Variants in TRAF3IP2 observed in about 807,000 individuals in gnomAD.
TRAF3IP2 encodes the protein E3 ubiquitin ligase TRAF3IP2.
TRAF3IP2 carries 35 observed loss-of-function variants against 57.9 expected under a neutral mutation model. The observed-to-expected ratio is 0.60, with a 90% CI of 0.46 to 0.80. The LOEUF (loss-of-function observed/expected upper bound fraction) is 0.80, where lower values mean the gene tolerates loss of function less well. TRAF3IP2 is among the 30% of genes least tolerant of loss of function. The pLI is 0.00. For missense variants in TRAF3IP2, 556 were observed against 706.4 expected (o/e 0.79, Z 2.41); for synonymous variants, 251 against 268.9 (o/e 0.93, Z 0.65).
intron 1 of TRAF3IP2, chr6:111,601,505 T>C (rs1796862816): frequency 3.2e-6 from 1 of 308,276 alleles, no homozygotes; most frequent in Admixed American, 4.6e-5. Flanking sequence ...AATGAAGGTG[T>C]TATGTCCCCA....
At chr6:111,576,319 T>G (rs1187699155) in intron 3 of TRAF3IP2, 2 of 153,120 alleles carry the variant, frequency 1.3e-5, no homozygotes, top group African/African-American at 2.4e-5. Context: ...TTTAAAGAAG[T>G]TGCTACCATA....
At chr6:111,566,698 A>C in intron 6 of TRAF3IP2, 138 bp from the exon 7 acceptor site, 4 of 794,680 alleles carry the variant, frequency 5.0e-6, no homozygotes, top group Non-Finnish European at 8.9e-6. Flanking sequence ...GCAGACTCTT[A>C]TCTCTGCTTC....
intron 3 of TRAF3IP2, among the ~76,000 whole-genome samples, chr6:111,577,706 T>A (rs1024907238): frequency 6.7e-6 from 1 of 150,282 alleles, no homozygotes; most frequent in Non-Finnish European, 1.5e-5. Flanking sequence ...TGTGTGTGTG[T>A]GTTTTGTTTG....
At chr6:111,595,776 C>T (rs554338997) in intron 1 of TRAF3IP2, among the ~76,000 whole-genome samples, 7 of 149,750 alleles carry the variant, frequency 4.7e-5, no homozygotes, top group Middle Eastern at 3.4e-3. Flanking sequence ...TGCGGTGAGC[C>T]GAGATCGTGC....
intron 2 of TRAF3IP2, among the ~76,000 whole-genome samples, chr6:111,585,348 T>A (rs971358829): frequency 3.8e-4 from 47 of 123,972 alleles, no homozygotes; most frequent in African/African-American, 1.2e-3. Flanking sequence ...AAAAAAAAAA[T>A]GGCTTTTCCA....
chr6:111,576,475 G>A (rs1004141685), intron 3 of TRAF3IP2: 1 of 152,358 alleles, frequency 6.6e-6, no homozygotes, highest in Non-Finnish European at 1.5e-5. Flanking sequence ...CTGTCGGTAA[G>A]CACAGTGATG....
intron 1 of TRAF3IP2, among the ~76,000 whole-genome samples, chr6:111,596,102 A>G (rs956464741): frequency 6.6e-6 from 1 of 151,284 alleles, no homozygotes; most frequent in African/African-American, 2.4e-5. Flanking sequence ...CCCTGGTCGC[A>G]CTCCCTAAAA....
At chr6:111,578,162 A>G (rs1796046796) in intron 3 of TRAF3IP2, among the ~76,000 whole-genome samples, 1 of 152,232 alleles carries the variant, frequency 6.6e-6, no homozygotes, top group African/African-American at 2.4e-5. Flanking sequence ...TTGAAAATAA[A>G]AGTTTATTTT....
Position 111,559,471 on chromosome 6 carries a change from C to T in TRAF3IP2, c.1632G>A (p.Leu544=), listed in dbSNP as rs879018565. The T allele has an allele frequency of 5.0e-6, 8 of 1,614,210 alleles. No individual in the cohort carries two copies. Among genetic ancestry groups the T allele is most frequent in the Non-Finnish European group, 5.9e-6 (7 of 1,180,036 alleles). The change falls in exon 9 of 9, where the codon CTG becomes CTA. Residue 544 remains leucine (L), a synonymous_variant. Transcript: ENST00000368761. ...KNKKNILLRL[L]REEEYVAPPR... is the part of the protein sequence containing the mutation. ...GAGGAGCCACATACTCTTCCTCTCT[C>T]AGCAGCCGCAGCAGGATGTTTTTTT...
At chr6:111,585,145 AC>A (rs972424459) in intron 2 of TRAF3IP2, among the ~76,000 whole-genome samples, 42 of 152,328 alleles carry the variant, frequency 2.8e-4, no homozygotes, top group African/African-American at 9.9e-4. Context: ...ACAACCAGTT[AC>A]TTCCCTTATA....
chr6:111,556,213 C>CGTGT lies in TRAF3IP2; in HGVS notation c.*3188_*3191dup, dbSNP rs146668280. Among the ~76,000 whole-genome samples, 1 of 149,648 alleles carries CGTGT rather than the reference C, an allele frequency of 6.7e-6. No individual in the cohort carries two copies. Among genetic ancestry groups the CGTGT allele is most frequent in the South Asian group, 2.1e-4 (1 of 4,696 alleles). On this transcript the variant is annotated 3_prime_UTR_variant, in exon 9 of 9. Transcript: ENST00000368761. Reference sequence around the variant, plus strand: ...AAGTGCGTGTGTGTGTGTATGTGTGCGTGTGTGTGTGTGTGTCTGTGTGTA... The same window carrying CGTGT: ...AAGTGCGTGTGTGTGTGTATGTGTGCGTGTGTGTGTGTGTGTGTGTCTGTGTGTA...
At chr6:111,567,208 G>T in intron 6 of TRAF3IP2, 1 of 1,002,838 alleles carries the variant, frequency 1.0e-6, no homozygotes. Flanking sequence ...GGGGCTGCAC[G>T]TGGGCACCTC....
Position 111,575,792 on chromosome 6 carries a change from C to G in TRAF3IP2, c.1052G>C (p.Arg351Thr). Reference sequence around the variant, plus strand: ...CAAGGACTCCCCAGGAGCACCAGCTCTATTAGGTGGCTGGTGATGTGGCTG... The same window carrying G: ...CAAGGACTCCCCAGGAGCACCAGCTGTATTAGGTGGCTGGTGATGTGGCTG... ...QDQPHHQPPN[R>T]AGAPGESLEC... is the part of the protein sequence containing the mutation. Residue 351 changes from arginine to threonine, a missense_variant, in exon 4 of 9, where the codon AGA (arginine) becomes ACA (threonine). Arg to Thr is a moderately conservative substitution (Grantham distance 71). Coordinates refer to ENST00000368761, the MANE Select transcript of TRAF3IP2 (RefSeq NM_147686.4). The G allele has an allele frequency of 6.2e-7, 1 of 1,609,796 alleles. No homozygotes were observed.
chr6:111,590,136 C>A (rs561973706), intron 2 of TRAF3IP2, among the ~76,000 whole-genome samples: 1 of 152,330 alleles, frequency 6.6e-6, no homozygotes, highest in East Asian at 1.9e-4. Context: ...AGACTTATCA[C>A]TTTCAGAGAT....
At chr6:111,588,726 A>G (rs1466296542) in intron 2 of TRAF3IP2, among the ~76,000 whole-genome samples, 2 of 152,212 alleles carry the variant, frequency 1.3e-5, no homozygotes, top group East Asian at 1.9e-4. Context: ...TATGTATGCA[A>G]TGCTTGCCAT....
intron 1 of TRAF3IP2, among the ~76,000 whole-genome samples, chr6:111,596,318 G>A (rs766737659): frequency 1.3e-5 from 2 of 151,980 alleles, no homozygotes; most frequent in African/African-American, 2.4e-5. Flanking sequence ...GTGATACGGG[G>A]GTCTTGCTCT....
chr6:111,567,826 A>G, intron 5 of TRAF3IP2, 134 bp from the exon 6 acceptor site: 1 of 574,978 alleles, frequency 1.7e-6, no homozygotes, highest in Non-Finnish European at 2.8e-6. Flanking sequence ...AGGAGCACAT[A>G]GGTCTAAAAA....
intron 1 of TRAF3IP2, among the ~76,000 whole-genome samples, chr6:111,603,438 C>T (rs1796934646): frequency 6.6e-6 from 1 of 152,204 alleles, no homozygotes; most frequent in Non-Finnish European, 1.5e-5. Flanking sequence ...TATGCCTCAT[C>T]TGTGTTCACT....
intron 1 of TRAF3IP2, among the ~76,000 whole-genome samples, chr6:111,603,645 T>C (rs1225092426): frequency 6.6e-6 from 1 of 152,060 alleles, no homozygotes; most frequent in African/African-American, 2.4e-5. Context: ...TGCCTGCAGA[T>C]ATGACTGTCT....
Sources: gnomAD v4.1 joint callset for allele counts (sites outside exome capture counted in the v4.1 genomes callset) on GRCh38, gnomAD v4.1.1 for gene constraint, MANE v1.5 for transcripts, NCBI Gene and HGNC (gene_info 2026-07-23, HGNC 2026-07-21) for gene names.